The following ERBB4 variants were observed in gnomAD, a reference collection of about 807,000 sequenced individuals.
ERBB4 encodes the protein receptor tyrosine-protein kinase erbB-4.
Under a neutral mutation model 158.0 loss-of-function variants are expected in ERBB4, and 42 were observed. That is an observed-to-expected ratio of 0.27 (90% CI 0.21 to 0.34). The LOEUF is 0.34. Among genes scored for constraint, ERBB4 ranks in the 10% least tolerant of loss-of-function variants. The probability of loss-of-function intolerance (pLI) is 1.00; values close to 1 mark genes in which losing one functional copy is unlikely to be tolerated. For synonymous variants in ERBB4, 583 were observed against 558.7 expected (o/e 1.04, Z -0.61); for missense variants, 1,333 against 1,624.1 (o/e 0.82, Z 3.08).
chr2:212,413,319 G>A lies in ERBB4; in HGVS notation c.82+125130C>T, dbSNP rs2091558934. Among the ~76,000 whole-genome samples the A allele has an allele frequency of 3.3e-5, 5 of 151,604 alleles. No homozygotes were observed. The South Asian group carries it at 1.0e-3, about 32-fold the overall frequency. ...GTATTTTTACAGTGCTTTACTGTAGGCAAAGTCCTTGTACTTCTACTCTCT... is the reference window on the plus strand; with the variant it reads ...GTATTTTTACAGTGCTTTACTGTAGACAAAGTCCTTGTACTTCTACTCTCT... On this transcript the variant is annotated intron_variant, in intron 1 of 27. Transcript: ENST00000342788.
intron 1 of ERBB4, among the ~76,000 whole-genome samples, chr2:212,308,182 G>A (rs74861635): frequency 0.14 from 20,511 of 151,024 alleles, 1,482 homozygotes; most frequent in South Asian, 0.23. Context: ...TAGGCACACC[G>A]TCTGGCATGT....
chr2:211,916,527 G>A (rs1025364716), intron 3 of ERBB4, among the ~76,000 whole-genome samples: 2 of 152,060 alleles, frequency 1.3e-5, no homozygotes, highest in African/African-American at 4.8e-5. Context: ...TATAAATTTT[G>A]TATCAGTAGA....
chr2:211,989,155 T>C (rs7569748), intron 2 of ERBB4, among the ~76,000 whole-genome samples: 98,880 of 151,856 alleles, frequency 0.65, 35,772 homozygotes, highest in Non-Finnish European at 0.82. Context: ...ATTTACCAGA[T>C]GACCTACTTT....
chr2:212,530,160 C>T (rs2106339755), intron 1 of ERBB4, among the ~76,000 whole-genome samples: 1 of 148,140 alleles, frequency 6.8e-6, no homozygotes, highest in East Asian at 1.9e-4. Context: ...AGAAGAATAC[C>T]CATAAAGAGG....
At chr2:211,757,894 G>A (rs981373786) in intron 4 of ERBB4, among the ~76,000 whole-genome samples, 2 of 152,154 alleles carry the variant, frequency 1.3e-5, no homozygotes, top group African/African-American at 4.8e-5. Flanking sequence ...GGCTGGGGTG[G>A]GTAGACCTAT....
intron 1 of ERBB4, among the ~76,000 whole-genome samples, chr2:212,340,824 C>A (rs1241071695): frequency 1.3e-5 from 2 of 152,126 alleles, no homozygotes; most frequent in African/African-American, 2.4e-5. Flanking sequence ...TAGCTAAAAT[C>A]CAATGATTTA....
rs115738300 is a variant in ERBB4, at chr2:211,412,057, C to A, written c.3135+8384G>T. On this transcript the variant is annotated intron_variant, in intron 25 of 27. Transcript: ENST00000342788. ...TGAAATAGATTCAAGACAACAGAAA[C>A]AGAAGATAGGAATTTGAGAGCTGTT... Among the ~76,000 whole-genome samples, 598 of 147,394 alleles carry A rather than the reference C, an allele frequency of 4.1e-3. 5 individuals are homozygous for A. Among genetic ancestry groups the A allele is most frequent in the African/African-American group, 0.014 (580 of 40,006 alleles).
At chr2:212,005,193 T>C (rs2076230855) in intron 2 of ERBB4, among the ~76,000 whole-genome samples, 1 of 152,140 alleles carries the variant, frequency 6.6e-6, no homozygotes, top group Non-Finnish European at 1.5e-5. Flanking sequence ...AGGAAATCTT[T>C]TTGAATCCCA....
chr2:211,450,828 T>C (rs1488308522), intron 20 of ERBB4, among the ~76,000 whole-genome samples: 1 of 152,114 alleles, frequency 6.6e-6, no homozygotes, highest in Non-Finnish European at 1.5e-5. Flanking sequence ...TGACAACATA[T>C]AGGCATGCTG....
chr2:211,475,989 G>GA (rs1212378159), intron 20 of ERBB4, among the ~76,000 whole-genome samples: 1 of 151,984 alleles, frequency 6.6e-6, no homozygotes, highest in Non-Finnish European at 1.5e-5. Flanking sequence ...ATATAAAAAT[G>GA]ACTCAAGTAT....
rs74572427 is a variant in ERBB4, at chr2:211,583,187, C to T, written c.2302-21099G>A. On this transcript the variant is annotated intron_variant, in intron 19 of 27. Transcript: ENST00000342788. Reference sequence around the variant, plus strand: ...CATTAAATAATGAAATTCACTTTATCGACAAACACAAATATTTACTGAGCA... The same window carrying T: ...CATTAAATAATGAAATTCACTTTATTGACAAACACAAATATTTACTGAGCA... 3.0e-4 allele frequency among the ~76,000 whole-genome samples: 45 copies of T among 152,080 alleles called. No homozygotes were observed. In the East Asian group the frequency reaches 7.5e-3, roughly 25 times the overall value.
At chr2:211,974,602 T>C (rs931464252) in intron 2 of ERBB4, among the ~76,000 whole-genome samples, 2 of 152,110 alleles carry the variant, frequency 1.3e-5, no homozygotes, top group Admixed American at 1.3e-4. Context: ...GTAAGAAATC[T>C]TTATTGGCCA....
Position 212,278,090 on chromosome 2 carries a change from C to A in ERBB4, c.83-153187G>T, listed in dbSNP as rs149263156. Among the ~76,000 whole-genome samples the A allele has an allele frequency of 5.1e-3, 774 of 151,690 alleles. 4 individuals are homozygous for A. The highest frequency in any genetic ancestry group is 0.017 in the Middle Eastern group (5 of 294). On this transcript the variant is annotated intron_variant, in intron 1 of 27. Coordinates refer to ENST00000342788, the MANE Select transcript of ERBB4 (RefSeq NM_005235.3). ...TTGCCGCTAATATTGTTAAATAGAA[C>A]TAGGCTTTTTAGGACATAAACAGTT...
chr2:212,316,374 G>A (rs1336252501), intron 1 of ERBB4, among the ~76,000 whole-genome samples: 2 of 151,460 alleles, frequency 1.3e-5, no homozygotes, highest in African/African-American at 2.4e-5. Flanking sequence ...GAGCATTAAA[G>A]AGCATCTGAC....
chr2:211,487,432 C>G (rs1374869714), intron 20 of ERBB4, among the ~76,000 whole-genome samples: 1 of 152,004 alleles, frequency 6.6e-6, no homozygotes, highest in Non-Finnish European at 1.5e-5. Context: ...TGATACCAAA[C>G]TGTTTTGGTC....
chr2:212,148,253 A>G (rs972371954), intron 1 of ERBB4, among the ~76,000 whole-genome samples: 1 of 152,140 alleles, frequency 6.6e-6, no homozygotes, highest in East Asian at 1.9e-4. Flanking sequence ...TGCAATGAAT[A>G]TAGACTAAAA....
intron 19 of ERBB4, among the ~76,000 whole-genome samples, chr2:211,581,864 G>T (rs1481781429): frequency 6.6e-6 from 1 of 152,048 alleles, no homozygotes; most frequent in African/African-American, 2.4e-5. Context: ...ATAAAAATTA[G>T]CTAGGTGTGG....
chr2:212,505,200 G>A (rs1560503222), intron 1 of ERBB4, among the ~76,000 whole-genome samples: 1 of 152,122 alleles, frequency 6.6e-6, no homozygotes, highest in Non-Finnish European at 1.5e-5. Context: ...GGGTTCAAGC[G>A]ATTCTCCTGC....
chr2:211,418,847 A>G (rs960569831), intron 25 of ERBB4, among the ~76,000 whole-genome samples: 68 of 152,244 alleles, frequency 4.5e-4, no homozygotes, highest in African/African-American at 1.6e-3. Context: ...CTGATTATTC[A>G]TTACCTATCC....
Sources: allele counts gnomAD v4.1 joint callset (sites outside exome capture counted in the v4.1 genomes callset), GRCh38; gene constraint gnomAD v4.1.1; transcripts MANE v1.5; gene names NCBI Gene and HGNC (gene_info 2026-07-23, HGNC 2026-07-21).